Variants in BIVM observed in about 807,000 individuals in gnomAD.
BIVM encodes the protein basic, immunoglobulin-like variable motif containing, also known as basic immunoglobulin-like variable motif-containing protein.
A neutral mutation model predicts 61.4 loss-of-function variants in BIVM; 31 were observed. The ratio of observed to expected loss-of-function variants is 0.51; its 90% CI spans 0.38 to 0.68. The LOEUF (loss-of-function observed/expected upper bound fraction) is 0.68. Among genes scored for constraint, BIVM ranks in the 30% least tolerant of loss-of-function variants. BIVM has a pLI of 0.00. For missense variants in BIVM, 526 were observed against 596.0 expected, an observed-to-expected ratio of 0.88 and a Z score of 1.22; for synonymous variants, 189 against 210.7, an observed-to-expected ratio of 0.90 and a Z score of 0.89.
At chr13:102,838,586 G>T in intron 9 of BIVM, 57 bp from the exon 10 acceptor site, 1 of 1,432,888 alleles carries the variant, frequency 7.0e-7, no homozygotes, top group Non-Finnish European at 9.4e-7. Flanking sequence ...AAATTCCATT[G>T]CAATGATACT....
chr13:102,824,331 G>A (rs1176616666), intron 7 of BIVM, among the ~76,000 whole-genome samples: 1 of 152,154 alleles, frequency 6.6e-6, no homozygotes, highest in Non-Finnish European at 1.5e-5. Context: ...GTTGTATAGT[G>A]TAGACAGCAT....
intron 8 of BIVM, among the ~76,000 whole-genome samples, chr13:102,834,080 AGT>A (rs1469025359): frequency 6.6e-6 from 1 of 151,728 alleles, no homozygotes; most frequent in Non-Finnish European, 1.5e-5. Flanking sequence ...TTAGGACATC[AGT>A]GTGTTTAAAG....
intron 3 of BIVM, among the ~76,000 whole-genome samples, chr13:102,814,398 C>T (rs1038880397): frequency 6.6e-6 from 1 of 152,012 alleles, no homozygotes; most frequent in African/African-American, 2.4e-5. Context: ...GCTAATTGAT[C>T]CCAGGGGCAA....
chr13:102,803,318 C>T (rs374378316), intron 1 of BIVM, among the ~76,000 whole-genome samples: 27 of 151,980 alleles, frequency 1.8e-4, no homozygotes, highest in African/African-American at 5.8e-4. Flanking sequence ...GCCTGGCCAA[C>T]GTGGTGAAAC....
intron 7 of BIVM, among the ~76,000 whole-genome samples, chr13:102,825,233 C>T (rs1198762350): frequency 6.6e-6 from 1 of 152,136 alleles, no homozygotes; most frequent in Non-Finnish European, 1.5e-5. Context: ...GTGTGAACCA[C>T]TGTGCCCAGA....
intron 3 of BIVM, among the ~76,000 whole-genome samples, chr13:102,811,763 T>C: frequency 6.6e-6 from 1 of 152,244 alleles, no homozygotes; most frequent in African/African-American, 2.4e-5. Flanking sequence ...CCTCAGGTCA[T>C]CCGCCTGCCT....
At position 102,840,384 on chromosome 13, in the gene BIVM, C is replaced by T. The variant is rs1045272345; in HGVS notation, c.*519C>T. On this transcript the variant is annotated 3_prime_UTR_variant, in exon 11 of 11. Coordinates refer to ENST00000257336, the MANE Select transcript of BIVM (RefSeq NM_017693.4). ...AGTCTAGTAGTTCTTTGATTTATAG[C>T]AGGATCTTGCTTGCCTCATTTGTTT... is the stretch of plus-strand genomic sequence containing the variant. 1 of 152,322 alleles carries T rather than the reference C, an allele frequency of 6.6e-6. No homozygotes were observed. The highest frequency in any genetic ancestry group is 2.4e-5 in the African/African-American group (1 of 41,414). 9.4% of individuals were successfully genotyped at this position (152,322 alleles called of 1,614,324 possible).
chr13:102,799,993 G>A (rs757074783), intron 1 of BIVM, among the ~76,000 whole-genome samples: 1 of 152,260 alleles, frequency 6.6e-6, no homozygotes, highest in East Asian at 1.9e-4. Context: ...CAGGAGTCAC[G>A]GGCTCACCGC....
intron 7 of BIVM, among the ~76,000 whole-genome samples, chr13:102,825,146 C>T (rs1256207344): frequency 6.6e-6 from 1 of 152,118 alleles, no homozygotes; most frequent in East Asian, 1.9e-4. Flanking sequence ...GGGGTTTCAC[C>T]ATGTTAGCCA....
chr13:102,821,343 C>G (rs141830197), intron 5 of BIVM, among the ~76,000 whole-genome samples: 2 of 152,104 alleles, frequency 1.3e-5, no homozygotes, highest in Non-Finnish European at 2.9e-5. Context: ...CTTGTAATGT[C>G]AGCACTTTGG....
chr13:102,807,131 TTTCC>T lies in BIVM; in HGVS notation c.-122-9_-122-6del. On this transcript the variant is annotated splice_polypyrimidine_tract_variant and intron_variant, in intron 2 of 10. Transcript: ENST00000257336. This position sits in a 1 kb window ranked among gnomAD's most constrained non-coding sequence, Gnocchi z 4.0. ...ATCTGGTGGATTGTTGATCATTCTT[TTTCC>T]TTCCTCTTAGGAGCTCATTTTGCAG... The T allele has an allele frequency of 1.1e-6, 1 of 885,948 alleles. No homozygotes were observed. The highest frequency in any genetic ancestry group is 2.0e-5 in the South Asian group (1 of 49,116). The allele number at this position is 885,948 out of a possible 1,614,324, so 54.9% of individuals were successfully genotyped here.
chr13:102,818,093 A>G (rs921775804), intron 4 of BIVM, among the ~76,000 whole-genome samples: 1 of 152,170 alleles, frequency 6.6e-6, no homozygotes, highest in East Asian at 1.9e-4. Flanking sequence ...TGCTTTACTA[A>G]GGTCCTGGGT....
At position 102,799,352 on chromosome 13, in the gene BIVM, G is replaced by A. The variant is rs1267233349; in HGVS notation, c.-376G>A. 1 of 157,698 alleles carries A rather than the reference G, an allele frequency of 6.3e-6. No individual in the cohort carries two copies. The highest frequency in any genetic ancestry group is 1.4e-5 in the Non-Finnish European group (1 of 71,966). The allele number at this position is 157,698 out of a possible 1,614,324, so 9.8% of individuals were successfully genotyped here. A position where few individuals can be genotyped will look rare whatever the true frequency, so the allele number is the denominator to read the frequency against. On this transcript the variant is annotated 5_prime_UTR_variant, in exon 1 of 11. Transcript: ENST00000257336. ...GAAGGTGCTGTCAATGCTATCCGAC[G>A]ACCTGTCGCCGGGCACCGCAGCATC...
chr13:102,836,958 GT>G, intron 9 of BIVM, among the ~76,000 whole-genome samples: 1 of 152,138 alleles, frequency 6.6e-6, no homozygotes, highest in East Asian at 1.9e-4. Context: ...TTTAATTAGA[GT>G]TTGTAAAGAT....
At chr13:102,808,205 G>C (rs1879233065) in intron 3 of BIVM, among the ~76,000 whole-genome samples, 1 of 152,140 alleles carries the variant, frequency 6.6e-6, no homozygotes, top group Non-Finnish European at 1.5e-5. Flanking sequence ...CCACCAAGTG[G>C]GTTGTGTACT....
chr13:102,799,182 T>G lies in BIVM; in HGVS notation c.-546T>G. ...TACCACCTCTCGCCCATTTATTTAC[T>G]TCTCGGTCACCGCTTTCGGGGGACA... On this transcript the variant is annotated 5_prime_UTR_variant, in exon 1 of 11. Coordinates refer to ENST00000257336, the MANE Select transcript of BIVM (RefSeq NM_017693.4). The G allele has an allele frequency of 8.0e-6, 3 of 376,918 alleles. No individual in the cohort carries two copies. The highest frequency in any genetic ancestry group is 3.8e-5 in the East Asian group (1 of 26,180). 23.3% of individuals were successfully genotyped at this position (376,918 alleles called of 1,614,324 possible). A position where few individuals can be genotyped will look rare whatever the true frequency, so the allele number is the denominator to read the frequency against.
intron 7 of BIVM, among the ~76,000 whole-genome samples, chr13:102,827,982 A>T (rs549257654): frequency 1.3e-5 from 2 of 152,302 alleles, no homozygotes; most frequent in East Asian, 3.9e-4. Context: ...ACACTTTTAA[A>T]TCTATCTTCT....
chr13:102,825,832 C>T (rs1157268026), intron 7 of BIVM, among the ~76,000 whole-genome samples: 1 of 152,160 alleles, frequency 6.6e-6, no homozygotes, highest in Non-Finnish European at 1.5e-5. Flanking sequence ...CTTCTGCTTG[C>T]CAGGCAGGAT....
intron 3 of BIVM, among the ~76,000 whole-genome samples, chr13:102,812,736 CA>C (rs1879585939): frequency 6.6e-6 from 1 of 152,008 alleles, no homozygotes; most frequent in Admixed American, 6.6e-5. Flanking sequence ...AAAAACAGAA[CA>C]AAAAAACCAC....
Sources: gnomAD v4.1 joint callset for allele counts (sites outside exome capture counted in the v4.1 genomes callset) on GRCh38, gnomAD v4.1.1 for gene constraint, Gnocchi (gnomAD v3.1) non-coding constraint, MANE v1.5 for transcripts, NCBI Gene and HGNC (gene_info 2026-07-23, HGNC 2026-07-21) for gene names.